CD247: variants seen among roughly 807,000 people sequenced by gnomAD.
CD247 encodes the protein T-cell surface glycoprotein CD3 zeta chain.
CD247 carries 13 observed loss-of-function variants against 30.0 expected under a neutral mutation model. The ratio of observed to expected loss-of-function variants is 0.43; its 90% CI spans 0.28 to 0.69. The LOEUF is 0.69. CD247 is among the 30% of genes least tolerant of loss of function. CD247 has a pLI of 0.16. For synonymous variants in CD247, 72 were observed against 80.0 expected, an observed-to-expected ratio of 0.90 and a Z score of 0.53; for missense variants, 193 against 212.6, an observed-to-expected ratio of 0.91 and a Z score of 0.57.
intron 1 of CD247, among the ~76,000 whole-genome samples, chr1:167,480,021 C>G (rs187184183): frequency 1.3e-5 from 2 of 152,162 alleles, no homozygotes; most frequent in African/African-American, 4.8e-5. Flanking sequence ...CAAAACAGCA[C>G]GGGCTGGATC....
intron 1 of CD247, among the ~76,000 whole-genome samples, chr1:167,516,823 G>A (rs1655624704): frequency 2.0e-5 from 3 of 152,226 alleles, no homozygotes; most frequent in African/African-American, 7.2e-5. Flanking sequence ...TCTGCTGGGT[G>A]GGGTTCTGTT....
intron 1 of CD247, among the ~76,000 whole-genome samples, chr1:167,483,907 C>A (rs144519023): frequency 6.6e-6 from 1 of 152,366 alleles, no homozygotes; most frequent in African/African-American, 2.4e-5. Context: ...TCCGGAGGAA[C>A]AGGAGAAATG....
chr1:167,449,557 A>T (rs926288405), intron 1 of CD247, among the ~76,000 whole-genome samples: 2 of 152,200 alleles, frequency 1.3e-5, no homozygotes, highest in African/African-American at 4.8e-5. Flanking sequence ...TTTCAAACAC[A>T]GCCATTATTA....
At position 167,494,193 on chromosome 1, in the gene CD247, T is replaced by C. The variant is rs1253935615; in HGVS notation, c.58+24215A>G. 1.3e-5 allele frequency among the ~76,000 whole-genome samples: 2 copies of C among 152,182 alleles called. No homozygotes were observed. The highest frequency in any genetic ancestry group is 4.8e-5 in the African/African-American group (2 of 41,434). On this transcript the variant is annotated intron_variant, in intron 1 of 7. Transcript: ENST00000362089. This position sits in a 1 kb window ranked among gnomAD's most constrained non-coding sequence, Gnocchi z 7.3. ...TGGAGGGTTGGGGGATGGAGGTGGC[T>C]AGTGAATAAAACACTTCTGAAGGGT... is the stretch of plus-strand genomic sequence containing the variant.
chr1:167,518,362 A>G (rs758286703), intron 1 of CD247, 46 bp downstream of exon 1: 5 of 1,595,362 alleles, frequency 3.1e-6, no homozygotes, highest in Non-Finnish European at 4.3e-6. Context: ...CTACACATAC[A>G]CAAAGAGTTT....
intron 1 of CD247, among the ~76,000 whole-genome samples, chr1:167,489,610 C>T (rs1654356438): frequency 6.6e-6 from 1 of 152,134 alleles, no homozygotes; most frequent in South Asian, 2.1e-4. Flanking sequence ...AGTGACATAG[C>T]GCAGGGACTT....
chr1:167,506,214 C>G (rs902113915), intron 1 of CD247, among the ~76,000 whole-genome samples: 1 of 140,138 alleles, frequency 7.1e-6, no homozygotes, highest in African/African-American at 2.8e-5. Flanking sequence ...GAGACGCCAT[C>G]TTTCTTTTTT....
chr1:167,436,595 AC>A (rs1423457639), intron 4 of CD247, among the ~76,000 whole-genome samples: 2 of 152,262 alleles, frequency 1.3e-5, no homozygotes, highest in African/African-American at 2.4e-5. Context: ...CACACCGTAT[AC>A]AAAAATCAAC....
chr1:167,481,380 C>T (rs951328346), intron 1 of CD247, among the ~76,000 whole-genome samples: 1 of 152,230 alleles, frequency 6.6e-6, no homozygotes, highest in Non-Finnish European at 1.5e-5. Context: ...TCTATTAAAA[C>T]AGGTAGAGTC....
chr1:167,435,746 G>T (rs1012406702), intron 4 of CD247, among the ~76,000 whole-genome samples: 3 of 152,236 alleles, frequency 2.0e-5, no homozygotes, highest in African/African-American at 7.2e-5. Context: ...GGGACTTTTG[G>T]CTGAAGACAA....
At position 167,481,386 on chromosome 1, in the gene CD247, G is replaced by A. The variant is rs550607374; in HGVS notation, c.58+37022C>T. Among the ~76,000 whole-genome samples the A allele has an allele frequency of 7.9e-5, 12 of 152,310 alleles. No individual in the cohort carries two copies. The South Asian group carries it at 2.5e-3, about 32-fold the overall frequency. On this transcript the variant is annotated intron_variant, in intron 1 of 7. Coordinates refer to ENST00000362089, the MANE Select transcript of CD247 (RefSeq NM_198053.3). ...TAGCTTACTTCTATTAAAACAGGTA[G>A]AGTCAAACTTATACCTATATTAAAA... is the stretch of plus-strand genomic sequence containing the variant.
intron 1 of CD247, among the ~76,000 whole-genome samples, chr1:167,452,452 G>A (rs1214302548): frequency 2.0e-5 from 3 of 151,306 alleles, no homozygotes; most frequent in African/African-American, 7.3e-5. Context: ...ACACAGACAT[G>A]TACAGAGGGA....
chr1:167,518,261 CT>C (rs1655702436), intron 1 of CD247, 146 bp downstream of exon 1: 1 of 769,040 alleles, frequency 1.3e-6, no homozygotes, highest in African/African-American at 1.7e-5. Flanking sequence ...GGCCGGACCC[CT>C]CACTGCTCAC....
chr1:167,491,961 C>T (rs1015548199), intron 1 of CD247, among the ~76,000 whole-genome samples: 4 of 152,124 alleles, frequency 2.6e-5, no homozygotes, highest in African/African-American at 9.6e-5. Flanking sequence ...TTGTCAGGGG[C>T]TGGGAGGAGG....
intron 1 of CD247, among the ~76,000 whole-genome samples, chr1:167,490,861 A>G (rs1654416844): frequency 6.6e-6 from 1 of 151,962 alleles, no homozygotes; most frequent in African/African-American, 2.4e-5. Flanking sequence ...CTGTTTGAAC[A>G]TGGGAGGCCG....
At chr1:167,477,758 G>A (rs1476575841) in intron 1 of CD247, among the ~76,000 whole-genome samples, 1 of 152,166 alleles carries the variant, frequency 6.6e-6, no homozygotes, top group Non-Finnish European at 1.5e-5. Context: ...CAGACTCCTG[G>A]CTTCAAGCAA....
intron 1 of CD247, among the ~76,000 whole-genome samples, chr1:167,467,117 C>T (rs954098553): frequency 1.3e-5 from 2 of 152,230 alleles, no homozygotes; most frequent in Non-Finnish European, 2.9e-5. Context: ...GGATTACAGG[C>T]GTGAGCCACC....
intron 1 of CD247, among the ~76,000 whole-genome samples, chr1:167,447,835 C>A (rs917120735): frequency 6.6e-6 from 1 of 152,162 alleles, no homozygotes; most frequent in African/African-American, 2.4e-5. Context: ...GAGTCCCCAA[C>A]TTTGAGCCCT....
chr1:167,499,102 G>A (rs952618446), intron 1 of CD247, among the ~76,000 whole-genome samples: 1 of 152,192 alleles, frequency 6.6e-6, no homozygotes, highest in Non-Finnish European at 1.5e-5. Context: ...CAACACAAAT[G>A]ATGACTCCAA....
Sources: gnomAD v4.1 joint callset for allele counts (sites outside exome capture counted in the v4.1 genomes callset) on GRCh38, gnomAD v4.1.1 for gene constraint, Gnocchi (gnomAD v3.1) non-coding constraint, MANE v1.5 for transcripts, NCBI Gene and HGNC (gene_info 2026-07-23, HGNC 2026-07-21) for gene names.